The following DMD variants were observed in gnomAD, a reference collection of about 807,000 sequenced individuals.
DMD encodes mutant dystrophin.
In DMD, 63 loss-of-function variants were observed where a neutral mutation model predicts 330.1. That is an observed-to-expected ratio of 0.19 (90% CI 0.16 to 0.24). The LOEUF is 0.24. Among genes scored for constraint, DMD ranks in the 10% least tolerant of loss-of-function variants. The pLI, the probability that DMD is intolerant of heterozygous loss-of-function variation, is 1.00. For synonymous variants in DMD, 1,223 were observed against 959.8 expected (o/e 1.27, Z -5.07); for missense variants, 3,344 against 2,684.1 (o/e 1.25, Z -5.43).
chrX:32,628,865 G>C (rs780888970), intron 11 of DMD, among the ~76,000 whole-genome samples: 2 of 111,800 alleles, frequency 1.8e-5, no homozygotes, highest in East Asian at 2.8e-4. Flanking sequence ...ATATTCAGTT[G>C]TGATCAGAAA....
At chrX:31,126,737 T>C in intron 77 of DMD, 64 bp from the exon 78 acceptor site, 2 of 804,697 alleles carry the variant, frequency 2.5e-6, no homozygotes, top group Non-Finnish European at 3.7e-6. Context: ...TGCATAAATA[T>C]ACAATTTCAT....
Position 31,156,473 on chromosome X carries a change from C to T in DMD, c.10554-8955G>A, listed in dbSNP as rs144982781. 1.5e-4 allele frequency among the ~76,000 whole-genome samples: 17 copies of T among 111,987 alleles called. No individual in the cohort carries two copies. The East Asian group carries it at 3.9e-3, about 26-fold the overall frequency. On this transcript the variant is annotated intron_variant, in intron 74 of 78. Transcript: ENST00000357033. ...TTGTGGTGCCTTTCACCATCCATGG[C>T]TGAGGAGAGAATTAGAACAAGGCTT...
At chrX:32,237,281 T>C (rs747218634) in intron 43 of DMD, among the ~76,000 whole-genome samples, 1 of 96,766 alleles carries the variant, frequency 1.0e-5, no homozygotes, top group African/African-American at 4.3e-5. Flanking sequence ...ATGGTACTTC[T>C]GTCTGTCATA....
At chrX:31,484,510 A>C (rs778160925) in intron 57 of DMD, among the ~76,000 whole-genome samples, 1 of 111,876 alleles carries the variant, frequency 8.9e-6, no homozygotes, top group South Asian at 3.8e-4. Context: ...CAAGGGTCCA[A>C]AATAGTGATA....
intron 1 of DMD, among the ~76,000 whole-genome samples, chrX:33,199,367 A>G (rs1249795058): frequency 9.0e-6 from 1 of 111,445 alleles, no homozygotes; most frequent in Non-Finnish European, 1.9e-5. Context: ...TAACTGGGTA[A>G]AAAAGATCAG....
At chrX:32,346,359 T>C (rs1215567551) in intron 38 of DMD, among the ~76,000 whole-genome samples, 3 of 111,455 alleles carry the variant, frequency 2.7e-5, no homozygotes, top group African/African-American at 9.8e-5. Context: ...AGACAAGTCA[T>C]GAATTACTGT....
intron 34 of DMD, 32 bp from the exon 35 acceptor site, chrX:32,365,231 A>T (rs1188346873): frequency 8.4e-7 from 1 of 1,192,646 alleles, no homozygotes; most frequent in East Asian, 3.0e-5. Context: ...CCTTCAAGTA[A>T]TGTCTTGTAG....
intron 45 of DMD, among the ~76,000 whole-genome samples, chrX:31,936,390 A>G (rs1303908227): frequency 9.0e-6 from 1 of 111,708 alleles, no homozygotes; most frequent in Non-Finnish European, 1.9e-5. Context: ...GCCACTATTG[A>G]GCATTATAAT....
In DMD at chrX:32,816,620, A is replaced by G; in HGVS notation, c.378T>C (p.Asn126=). ...LHWQVKNVMK[N]IMAGLQQTNS... ...TGGTTTGTTGCAATCCAGCCATGAT[A>G]TTTTTCATTACATTTTTGACCTACA... The change falls in exon 6 of 79, where the codon AAT becomes AAC. Residue 126 remains asparagine, a synonymous_variant. Transcript: ENST00000357033. 2 of 1,211,254 alleles carry G rather than the reference A, an allele frequency of 1.7e-6. No individual in the cohort carries two copies. The highest frequency in any genetic ancestry group is 2.2e-6 in the Non-Finnish European group (2 of 895,196).
At chrX:31,145,744 C>T (rs2036608347) in intron 76 of DMD, among the ~76,000 whole-genome samples, 1 of 107,717 alleles carries the variant, frequency 9.3e-6, no homozygotes, top group Non-Finnish European at 1.9e-5. Flanking sequence ...CTCACTGCAA[C>T]CTCCGCCTCC....
At chrX:32,035,300 G>T (rs1921372) in intron 44 of DMD, among the ~76,000 whole-genome samples, 21,015 of 110,998 alleles carry the variant, frequency 0.19, 1,426 homozygotes, top group Non-Finnish European at 0.2. Context: ...TGGGAAAGGG[G>T]AGTATAAACT....
chrX:33,143,666 G>T (rs759284442), intron 1 of DMD, among the ~76,000 whole-genome samples: 1 of 111,670 alleles, frequency 9.0e-6, no homozygotes, highest in East Asian at 2.8e-4. Flanking sequence ...AAGAAAAAAT[G>T]TCTTTGAGGT....
chrX:33,256,204 T>C (rs1460562150), intron 1 of DMD, among the ~76,000 whole-genome samples: 1 of 111,377 alleles, frequency 9.0e-6, no homozygotes, highest in Non-Finnish European at 1.9e-5. Context: ...CTATACATCA[T>C]ATGGATAAAG....
intron 9 of DMD, among the ~76,000 whole-genome samples, chrX:32,659,680 A>G (rs1181553781): frequency 1.8e-5 from 2 of 110,863 alleles, no homozygotes; most frequent in Non-Finnish European, 1.9e-5. Flanking sequence ...ACAATATTCC[A>G]TTTTACCTTA....
At chrX:32,527,753 A>T (rs760799350) in intron 17 of DMD, among the ~76,000 whole-genome samples, 6 of 111,353 alleles carry the variant, frequency 5.4e-5, no homozygotes, top group South Asian at 3.8e-4. Flanking sequence ...GAATTACAGA[A>T]TATTATTAAA....
intron 1 of DMD, among the ~76,000 whole-genome samples, chrX:33,261,613 A>G (rs1452476319): frequency 1.1e-5 from 1 of 88,560 alleles, no homozygotes; most frequent in African/African-American, 4.1e-5. Context: ...CTGTTACACT[A>G]GAGATACGGG....
intron 52 of DMD, among the ~76,000 whole-genome samples, chrX:31,726,851 G>C (rs2086094998): frequency 8.9e-6 from 1 of 111,735 alleles, no homozygotes; most frequent in African/African-American, 3.3e-5. Context: ...GGACCATTTG[G>C]ATTACAGCCT....
chrX:33,272,144 A>G (rs2053168571), intron 1 of DMD, among the ~76,000 whole-genome samples: 1 of 112,248 alleles, frequency 8.9e-6, no homozygotes, highest in Non-Finnish European at 1.9e-5. Flanking sequence ...TCAGTCTCCC[A>G]AAGTGCTGGG....
chrX:32,896,705 T>C (rs1433195254), intron 2 of DMD, among the ~76,000 whole-genome samples: 4 of 112,643 alleles, frequency 3.6e-5, no homozygotes, highest in Admixed American at 1.9e-4. Flanking sequence ...AGTTAAAATT[T>C]GGAGCAACTA....
Sources: gnomAD v4.1 joint callset for allele counts (sites outside exome capture counted in the v4.1 genomes callset) on GRCh38, gnomAD v4.1.1 for gene constraint, MANE v1.5 for transcripts, NCBI Gene and HGNC (gene_info 2026-07-23, HGNC 2026-07-21) for gene names.